Variants in CNTN1 observed in about 807,000 individuals in gnomAD.
CNTN1 encodes contactin-1.
In CNTN1, 38 loss-of-function variants were observed where a neutral mutation model predicts 126.4. The ratio of observed to expected loss-of-function variants is 0.30; its 90% CI spans 0.23 to 0.39. The LOEUF (loss-of-function observed/expected upper bound fraction) is 0.39. Among genes scored for constraint, CNTN1 ranks in the 10% least tolerant of loss-of-function variants. The pLI is 1.00. For synonymous variants in CNTN1, 413 were observed against 422.6 expected (o/e 0.98, Z 0.28); for missense variants, 1,009 against 1,248.4 (o/e 0.81, Z 2.89).
rs141617527 is a variant in CNTN1 at position 40,808,822 on chromosome 12, A to G, written c.-76-99535A>G. ...CAAGGTTAGCCAATAAAAACAAACG[A>G]ACAAATAAACAAACAAACAAAAACC... On this transcript the variant is annotated intron_variant, in intron 1 of 23. Transcript: ENST00000551295. 5.9e-5 allele frequency among the ~76,000 whole-genome samples: 9 copies of G among 152,334 alleles called. No individual in the cohort carries two copies. The East Asian group carries it at 1.7e-3, about 29-fold the overall frequency.
intron 1 of CNTN1, among the ~76,000 whole-genome samples, chr12:40,720,930 C>A (rs1592010052): frequency 4.6e-5 from 6 of 130,378 alleles, no homozygotes; most frequent in African/African-American, 1.4e-4. Context: ...GACTCTGTCT[C>A]AAAAAAACAA....
chr12:40,737,359 G>GTGTGTATATA (rs1304140380), intron 1 of CNTN1, among the ~76,000 whole-genome samples: 1,564 of 113,218 alleles, frequency 0.014, 41 homozygotes, highest in African/African-American at 0.05. Context: ...ATGTGTGTGT[G>GTGTGTATATA]TATATATATA....
chr12:41,052,936 G>A (rs1037050124), intron 23 of CNTN1, among the ~76,000 whole-genome samples: 31 of 151,850 alleles, frequency 2.0e-4, no homozygotes, highest in African/African-American at 7.5e-4. Context: ...AAAATCTAAA[G>A]AGAAAATTCT....
chr12:40,972,138 A>C, intron 15 of CNTN1: 1 of 985,312 alleles, frequency 1.0e-6, no homozygotes, highest in Non-Finnish European at 1.2e-6. Flanking sequence ...TGTGGGGGAA[A>C]CCCTCATCTG....
At chr12:41,012,592 C>T (rs772626187) in intron 17 of CNTN1, among the ~76,000 whole-genome samples, 14 of 152,230 alleles carry the variant, frequency 9.2e-5, no homozygotes, top group Non-Finnish European at 1.3e-4. Flanking sequence ...CCCCACATGA[C>T]GGCTGAGTAC....
intron 17 of CNTN1, among the ~76,000 whole-genome samples, chr12:41,006,821 T>C (rs1052226078): frequency 1.7e-4 from 26 of 152,132 alleles, no homozygotes; most frequent in African/African-American, 5.8e-4. Flanking sequence ...ATGTCCTCTA[T>C]AGAAACATGG....
At chr12:40,726,846 T>A (rs1355112982) in intron 1 of CNTN1, among the ~76,000 whole-genome samples, 1 of 143,338 alleles carries the variant, frequency 7.0e-6, no homozygotes, top group Non-Finnish European at 1.6e-5. Flanking sequence ...GCCATCACAA[T>A]TTTCATAATG....
intron 23 of CNTN1, among the ~76,000 whole-genome samples, chr12:41,032,696 C>T (rs1272012831): frequency 2.0e-5 from 3 of 152,226 alleles, no homozygotes; most frequent in Admixed American, 2.0e-4. Context: ...TAGCAGGCTA[C>T]TCTGAGTAAA....
At chr12:41,056,239 A>T (rs1443124430) in intron 23 of CNTN1, among the ~76,000 whole-genome samples, 1 of 152,166 alleles carries the variant, frequency 6.6e-6, no homozygotes, top group Non-Finnish European at 1.5e-5. Flanking sequence ...TGCACTCTGT[A>T]TCTTTGTTAA....
intron 15 of CNTN1, among the ~76,000 whole-genome samples, chr12:40,963,941 C>T (rs1444965603): frequency 1.3e-5 from 2 of 152,080 alleles, no homozygotes; most frequent in Admixed American, 6.6e-5. Context: ...CTATGTGCAG[C>T]TTGCCAAATC....
intron 1 of CNTN1, among the ~76,000 whole-genome samples, chr12:40,879,710 A>G (rs1446083431): frequency 1.3e-5 from 2 of 152,122 alleles, no homozygotes; most frequent in Non-Finnish European, 2.9e-5. Context: ...TTTCCTATGT[A>G]TAGGAGGAAA....
At chr12:40,913,005 G>A (rs1376094697) in intron 3 of CNTN1, among the ~76,000 whole-genome samples, 1 of 152,174 alleles carries the variant, frequency 6.6e-6, no homozygotes, top group East Asian at 1.9e-4. Flanking sequence ...ACAGAATCTA[G>A]ATGCTTCAGA....
intron 12 of CNTN1, among the ~76,000 whole-genome samples, chr12:40,942,111 T>C (rs1157410416): frequency 6.6e-6 from 1 of 152,112 alleles, no homozygotes; most frequent in Non-Finnish European, 1.5e-5. Flanking sequence ...ATTATAATTT[T>C]TGTTGTGCTT....
intron 1 of CNTN1, among the ~76,000 whole-genome samples, chr12:40,707,112 G>A (rs1941777150): frequency 1.3e-5 from 2 of 150,670 alleles, no homozygotes; most frequent in African/African-American, 4.9e-5. Context: ...TAAGACTATA[G>A]AATTGCTTTT....
At chr12:41,017,033 C>A in intron 19 of CNTN1, 117 bp downstream of exon 19, 1 of 791,808 alleles carries the variant, frequency 1.3e-6, no homozygotes. Context: ...TAGCATTATG[C>A]ATTTAGTAAA....
intron 1 of CNTN1, among the ~76,000 whole-genome samples, chr12:40,708,444 C>A (rs1252317850): frequency 6.6e-6 from 1 of 152,224 alleles, no homozygotes; most frequent in Non-Finnish European, 1.5e-5. Flanking sequence ...TCTGAGCCTT[C>A]AGCCAGCCAT....
chr12:40,865,974 T>A (rs1386613417), intron 1 of CNTN1, among the ~76,000 whole-genome samples: 2 of 152,084 alleles, frequency 1.3e-5, no homozygotes, highest in Non-Finnish European at 2.9e-5. Flanking sequence ...TTCCATTAAT[T>A]TAGGCCTTTT....
In CNTN1 at chr12:40,924,636, C is replaced by T. The variant is rs771697105; in HGVS notation, c.480C>T (p.Pro160=). The T allele has an allele frequency of 1.3e-6, 2 of 1,594,108 alleles. No homozygotes were observed. The highest frequency in any genetic ancestry group is 1.3e-5 in the African/African-American group (1 of 74,540). The change falls in exon 6 of 24, where the codon CCC becomes CCT. Residue 160 remains proline, a synonymous_variant. Coordinates refer to ENST00000551295, the MANE Select transcript of CNTN1 (RefSeq NM_001843.4). ...AAGGAATGGTGCTTCTCTGTGACCCCCCATACCATTTTCCAGGTAAACTTA... is the reference window on the plus strand; with the variant it reads ...AAGGAATGGTGCTTCTCTGTGACCCTCCATACCATTTTCCAGGTAAACTTA... ...EGKGMVLLCD[P]PYHFPDDLSY...
intron 14 of CNTN1, among the ~76,000 whole-genome samples, chr12:40,951,402 ATCACT>A (rs1238640288): frequency 6.6e-6 from 1 of 152,188 alleles, no homozygotes; most frequent in African/African-American, 2.4e-5. Flanking sequence ...GTCCAATGAC[ATCACT>A]TCACTTTAAT....
Sources: gnomAD v4.1 joint callset for allele counts (sites outside exome capture counted in the v4.1 genomes callset) on GRCh38, gnomAD v4.1.1 for gene constraint, MANE v1.5 for transcripts, NCBI Gene and HGNC (gene_info 2026-07-23, HGNC 2026-07-21) for gene names.